TMCC3: variants seen among roughly 807,000 people sequenced by gnomAD.
TMCC3 encodes transmembrane and coiled-coil domain protein 3.
A neutral mutation model predicts 40.2 loss-of-function variants in TMCC3; 28 were observed. The ratio of observed to expected loss-of-function variants is 0.70; its 90% CI spans 0.52 to 0.95. The LOEUF (loss-of-function observed/expected upper bound fraction) is 0.95. Among genes scored for constraint, TMCC3 ranks in the 40% least tolerant of loss-of-function variants. TMCC3 has a pLI of 0.00. For missense variants in TMCC3, 554 were observed against 615.2 expected, an observed-to-expected ratio of 0.90 and a Z score of 1.05; for synonymous variants, 255 against 248.5, an observed-to-expected ratio of 1.03 and a Z score of -0.25.
intron 1 of TMCC3, among the ~76,000 whole-genome samples, chr12:94,600,627 A>G (rs1268815934): frequency 1.3e-5 from 2 of 152,114 alleles, no homozygotes; most frequent in South Asian, 2.1e-4. Context: ...GTACATGAAC[A>G]TATTTCTGGA....
At chr12:94,575,989 G>C (rs2068562511) in intron 3 of TMCC3, among the ~76,000 whole-genome samples, 1 of 152,114 alleles carries the variant, frequency 6.6e-6, no homozygotes, top group Non-Finnish European at 1.5e-5. Flanking sequence ...TGTTGGCCAG[G>C]ATGGTCTTGA....
intron 1 of TMCC3, among the ~76,000 whole-genome samples, chr12:94,586,092 T>C (rs1372675590): frequency 4.6e-5 from 7 of 152,186 alleles, no homozygotes; most frequent in Non-Finnish European, 1.0e-4. Context: ...GAAGATGGCT[T>C]CCCAATACCT....
chr12:94,596,927 G>C (rs901222186), intron 1 of TMCC3, among the ~76,000 whole-genome samples: 25 of 151,976 alleles, frequency 1.6e-4, no homozygotes, highest in African/African-American at 6.0e-4. Context: ...GGTCAAATAG[G>C]AAACTGATGT....
chr12:94,597,120 A>AAAAAAAAAAAAATATATATATAT (rs2068719307), intron 1 of TMCC3, among the ~76,000 whole-genome samples: 1 of 5,484 alleles, frequency 1.8e-4, no homozygotes, highest in African/African-American at 4.5e-4. Context: ...TCTCTATTAA[A>AAAAAAAAAAAAATATATATATAT]ATACATATAT....
intron 1 of TMCC3, among the ~76,000 whole-genome samples, chr12:94,600,562 C>T (rs757871431): frequency 2.0e-5 from 3 of 152,160 alleles, no homozygotes; most frequent in Non-Finnish European, 2.9e-5. Flanking sequence ...TCCTATTCAA[C>T]TTCCAATGTC....
chr12:94,598,119 T>G (rs2068729524), intron 1 of TMCC3, among the ~76,000 whole-genome samples: 1 of 152,184 alleles, frequency 6.6e-6, no homozygotes, highest in African/African-American at 2.4e-5. Context: ...TCCGGTACCT[T>G]ATTTTATTTT....
intron 1 of TMCC3, among the ~76,000 whole-genome samples, chr12:94,610,666 G>A (rs952814327): frequency 1.1e-4 from 17 of 152,182 alleles, no homozygotes; most frequent in Non-Finnish European, 2.9e-5. Context: ...AATGGGAAAT[G>A]ATGCAGCCAC....
At chr12:94,615,883 C>T in intron 1 of TMCC3, 1 of 970,806 alleles carries the variant, frequency 1.0e-6, no homozygotes, top group Non-Finnish European at 1.2e-6. Context: ...TACATATTTA[C>T]ACACTCTGGC....
intron 1 of TMCC3, among the ~76,000 whole-genome samples, chr12:94,596,418 G>A (rs965399848): frequency 2.0e-5 from 3 of 152,106 alleles, no homozygotes; most frequent in Non-Finnish European, 4.4e-5. Context: ...CTATTTCTAT[G>A]TCTGTTCCTC....
intron 3 of TMCC3, among the ~76,000 whole-genome samples, chr12:94,573,665 A>G (rs1236654826): frequency 6.6e-6 from 1 of 151,964 alleles, no homozygotes; most frequent in African/African-American, 2.4e-5. Flanking sequence ...TTCAACCTCA[A>G]CCTCTGGTCT....
intron 1 of TMCC3, among the ~76,000 whole-genome samples, chr12:94,590,105 C>CTTT (rs61126367): frequency 8.4e-5 from 11 of 131,644 alleles, no homozygotes; most frequent in Non-Finnish European, 9.5e-5. Context: ...AAAATCTATT[C>CTTT]TTTTTTTTTT....
intron 2 of TMCC3, among the ~76,000 whole-genome samples, chr12:94,581,271 G>A (rs888731755): frequency 6.6e-6 from 1 of 152,098 alleles, no homozygotes; most frequent in African/African-American, 2.4e-5. Context: ...TTTATTTGTG[G>A]AATTTTCCAG....
intron 1 of TMCC3, among the ~76,000 whole-genome samples, chr12:94,628,673 G>C (rs1239723131): frequency 6.6e-6 from 1 of 152,230 alleles, no homozygotes; most frequent in African/African-American, 2.4e-5. Flanking sequence ...GGGAGCCTGT[G>C]CTGCAGAAGG....
chr12:94,623,837 C>T (rs1015651347), intron 1 of TMCC3, among the ~76,000 whole-genome samples: 11 of 152,216 alleles, frequency 7.2e-5, no homozygotes, highest in Admixed American at 2.0e-4. Flanking sequence ...TTTTCATGTG[C>T]AGTACCATCG....
intron 2 of TMCC3, among the ~76,000 whole-genome samples, chr12:94,578,783 C>T (rs2068583227): frequency 6.6e-6 from 1 of 152,168 alleles, no homozygotes; most frequent in South Asian, 2.1e-4. Context: ...CAGACTAGCA[C>T]CTTAGCTAGC....
intron 1 of TMCC3, chr12:94,590,902 T>C: frequency 1.7e-6 from 1 of 580,262 alleles, no homozygotes; most frequent in African/African-American, 1.9e-5. Flanking sequence ...CCTAGATGAG[T>C]GAGTTTATGT....
At chr12:94,626,439 T>A (rs1238375774) in intron 1 of TMCC3, among the ~76,000 whole-genome samples, 2 of 152,230 alleles carry the variant, frequency 1.3e-5, no homozygotes, top group Non-Finnish European at 2.9e-5. Context: ...CTGATTAGAC[T>A]TATTTAAATT....
intron 1 of TMCC3, among the ~76,000 whole-genome samples, chr12:94,600,020 T>C (rs1182573501): frequency 6.6e-6 from 1 of 151,398 alleles, no homozygotes; most frequent in East Asian, 1.9e-4. Flanking sequence ...CAAGACCCCA[T>C]CTCTAAAAAA....
chr12:94,633,991 G>A (rs182181158), intron 1 of TMCC3, among the ~76,000 whole-genome samples: 418 of 151,132 alleles, frequency 2.8e-3, no homozygotes, highest in Middle Eastern at 6.8e-3. Context: ...TGTTGCCCAG[G>A]CTGGAGTACA....
Sources: allele counts gnomAD v4.1 joint callset (sites outside exome capture counted in the v4.1 genomes callset), GRCh38; gene constraint gnomAD v4.1.1; transcripts MANE v1.5; gene names NCBI Gene and HGNC (gene_info 2026-07-23, HGNC 2026-07-21).